The following MSLN variants were observed in gnomAD, a reference collection of about 807,000 sequenced individuals.
MSLN encodes CAK1 antigen.
A neutral mutation model predicts 72.6 loss-of-function variants in MSLN; 82 were observed. That is an observed-to-expected ratio of 1.13 (90% CI 0.94 to 1.36). The LOEUF (loss-of-function observed/expected upper bound fraction) is 1.36, where lower values mean the gene tolerates loss of function less well. Ranked by LOEUF, MSLN falls within the 40% of genes most tolerant of loss-of-function variation. MSLN has a pLI of 0.00. For synonymous variants in MSLN, 456 were observed against 387.3 expected (o/e 1.18, Z -2.08); for missense variants, 1,005 against 847.9 (o/e 1.19, Z -2.30).
rs751914503 is a variant in MSLN, at chr16:764,029, C to T, written c.186C>T (p.Ser62=). The T allele has an allele frequency of 1.1e-5, 17 of 1,601,082 alleles. No homozygotes were observed. The highest frequency in any genetic ancestry group is 1.4e-5 in the Non-Finnish European group (16 of 1,179,500). The part of the protein sequence containing the change: ...LANPPNISSL[S]PRQLLGFPCA... Reference sequence around the variant, plus strand: ...AGCCCGACCCTTCCTGCAGCCTCTCCCCTCGCCAACTCCTTGGCTTCCCGT... The same window carrying T: ...AGCCCGACCCTTCCTGCAGCCTCTCTCCTCGCCAACTCCTTGGCTTCCCGT... Residue 62 remains serine, a synonymous_variant, in exon 6 of 18, where the codon TCC becomes TCT. Transcript: ENST00000545450.
At chr16:764,184 G>T (rs755523951) in intron 6 of MSLN, 41 bp downstream of exon 6, 41 of 1,585,096 alleles carry the variant, frequency 2.6e-5, no homozygotes, top group Non-Finnish European at 3.3e-5. Flanking sequence ...CACAGCTGGG[G>T]CTGAGGAATT....
Position 766,740 on chromosome 16 carries a change from G to A in MSLN, c.1303G>A (p.Ala435Thr), listed in dbSNP as rs749126758. 5.6e-6 allele frequency: 9 copies of A among 1,612,602 alleles called. No homozygotes were observed. In the Admixed American group the frequency reaches 6.7e-5, roughly 12 times the overall value. Residue 435 changes from alanine to threonine, a missense_variant, in exon 14 of 18, where the codon GCC (alanine) becomes ACC (threonine). Physicochemically the swap from Ala to Thr is moderately conservative, Grantham distance 58 (BLOSUM62 0). Coordinates refer to ENST00000545450, the MANE Select transcript of MSLN (RefSeq NM_005823.6). ...CAAAGACACCCTAGACACCCTGACC[G>A]CCTTCTACCCTGGGTACCTGTGCTC... ...LDKDTLDTLT[A>T]FYPGYLCSLS...
At chr16:765,403 C>T (rs2041593247) in intron 9 of MSLN, 100 bp downstream of exon 9, 4 of 1,414,280 alleles carry the variant, frequency 2.8e-6, no homozygotes, top group South Asian at 1.4e-5. Context: ...GGGTCAGTCA[C>T]CCCCGCCACC....
chr16:768,659 G>GGGACGCCCTGCCTCCTA lies in MSLN; in HGVS notation c.1800_1816dup (p.Pro606ArgfsTer5). 6.2e-7 allele frequency: 1 copy of GGGACGCCCTGCCTCCTA among 1,611,078 alleles called. No homozygotes were observed. The highest frequency in any genetic ancestry group is 8.5e-7 in the Non-Finnish European group (1 of 1,179,554). On this transcript the variant is annotated frameshift_variant, in exon 18 of 18. Coordinates refer to ENST00000545450, the MANE Select transcript of MSLN (RefSeq NM_005823.6). LOFTEE classifies it low-confidence loss of function (END_TRUNC). ...CCCTCTCTCTGTAGAGGCCCTCTCG[G>GGGACGCCCTGCCTCCTA]GGACGCCCTGCCTCCTAGGACCTGG... is the stretch of plus-strand genomic sequence containing the variant.
In MSLN at chr16:766,506, G is replaced by C. The variant is rs73491258; in HGVS notation, c.1230+16G>C. ...GAGTCCTCAGGTGACCGTCCGGCTC[G>C]GGGGTCATGTGGCATGAGATTGGGA... On this transcript the variant is annotated intron_variant, in intron 13 of 17. Coordinates refer to ENST00000545450, the MANE Select transcript of MSLN (RefSeq NM_005823.6). 2 of 1,612,236 alleles carry C rather than the reference G, an allele frequency of 1.2e-6. No homozygotes were observed. Among genetic ancestry groups the C allele is most frequent in the Admixed American group, 1.7e-5 (1 of 59,978 alleles).
At chr16:767,955 CGCGTG>C (rs2041655659) in intron 16 of MSLN, among the ~76,000 whole-genome samples, 1 of 19,192 alleles carries the variant, frequency 5.2e-5, no homozygotes, top group African/African-American at 9.5e-4. Flanking sequence ...GGAGGAGGGG[CGCGTG>C]GAGGGGGCCG....
chr16:768,146 G>A (rs945686167), intron 16 of MSLN, among the ~76,000 whole-genome samples: 6 of 150,494 alleles, frequency 4.0e-5, no homozygotes, highest in Non-Finnish European at 7.4e-5. Context: ...GGGCGTGTAA[G>A]GCGGGTCTGC....
intron 2 of MSLN, among the ~76,000 whole-genome samples, chr16:761,934 T>G (rs1187481127): frequency 6.6e-6 from 1 of 152,194 alleles, no homozygotes; most frequent in Non-Finnish European, 1.5e-5. Flanking sequence ...TAGAAGCCAG[T>G]TCCCTCTTCT....
chr16:761,894 C>T (rs1358044147), intron 2 of MSLN, among the ~76,000 whole-genome samples: 1 of 152,256 alleles, frequency 6.6e-6, no homozygotes, highest in African/African-American at 2.4e-5. Flanking sequence ...TTCTACTCCG[C>T]CATGGTGGCC....
At chr16:765,669 C>T (rs752138748) in intron 10 of MSLN, 22 bp from the exon 11 acceptor site, 14 of 1,600,002 alleles carry the variant, frequency 8.7e-6, no homozygotes, top group Middle Eastern at 1.6e-4. Context: ...CGAGGCTCAG[C>T]CCAGGTCCTG....
chr16:765,763 C>T lies in MSLN; in HGVS notation c.868C>T (p.Arg290Trp), dbSNP rs749200543. The T allele has an allele frequency of 1.6e-5, 26 of 1,600,184 alleles. No individual in the cohort carries two copies. The highest frequency in any genetic ancestry group is 1.3e-4 in the Admixed American group (8 of 59,980). The stretch of plus-strand genomic sequence containing the variant: ...GCGGCAGCCTGAACGGACCATCCTC[C>T]GGCCGCGGTTCCGGCGGGAAGTGGA... Reference protein sequence around the residue: ...SWRQPERTILRPRFRREVEKT... With the variant: ...SWRQPERTILWPRFRREVEKT... The change falls in exon 11 of 18, where the codon CGG becomes TGG. Residue 290 changes from arginine to tryptophan, a missense_variant. Physicochemically the swap from Arg to Trp is moderately radical, Grantham distance 101 (BLOSUM62 -3). Coordinates refer to ENST00000545450, the MANE Select transcript of MSLN (RefSeq NM_005823.6).
chr16:768,477 G>A lies in MSLN; in HGVS notation c.1695G>A (p.Arg565=). 8 of 1,571,302 alleles carry A rather than the reference G, an allele frequency of 5.1e-6. No individual in the cohort carries two copies. The highest frequency in any genetic ancestry group is 6.9e-6 in the Non-Finnish European group (8 of 1,155,932). Residue 565 remains arginine (R), a synonymous_variant, in exon 17 of 18, where the codon CGG becomes CGA. Transcript: ENST00000545450. ...GCCCGGTGCGGGACTGGATCCTACG[G>A]CAGCGGCAGGACGACCTGGACACGC... ...RHRPVRDWIL[R]QRQDDLDTLG...
intron 16 of MSLN, among the ~76,000 whole-genome samples, 196 bp from the exon 17 acceptor site, chr16:768,183 G>A (rs2041665355): frequency 6.6e-6 from 1 of 151,504 alleles, no homozygotes; most frequent in Non-Finnish European, 1.5e-5. Context: ...AGGAAGGGCA[G>A]CATCTTCCCG....
At chr16:765,448 C>A in intron 9 of MSLN, 79 bp from the exon 10 acceptor site, 1 of 1,451,594 alleles carries the variant, frequency 6.9e-7, no homozygotes. Context: ...CCCTCCACAG[C>A]CAGGGGGTAC....
chr16:768,242 C>G (rs538935016), intron 16 of MSLN, 137 bp from the exon 17 acceptor site: 1 of 835,108 alleles, frequency 1.2e-6, no homozygotes, highest in Non-Finnish European at 1.8e-6. Flanking sequence ...GTCAGCTGGC[C>G]GGAGACCTCC....
Position 768,709 on chromosome 16 carries a change from G to A in MSLN, c.1845G>A (p.Leu615=), listed in dbSNP as rs1003444545. ...GACCTGTTCTCACCGTCCTGGCACT[G>A]CTCCTAGCCTCCACCCTGGCCTGAG... ...GPGPVLTVLA[L]LLASTLA is the part of the protein sequence containing the mutation. Residue 615 remains leucine, a synonymous_variant, in exon 18 of 18, where the codon CTG becomes CTA. Coordinates refer to ENST00000545450, the MANE Select transcript of MSLN (RefSeq NM_005823.6). 1.2e-6 allele frequency: 2 copies of A among 1,610,886 alleles called. No individual in the cohort carries two copies. The highest frequency in any genetic ancestry group is 8.5e-7 in the Non-Finnish European group (1 of 1,179,528).
intron 17 of MSLN, 35 bp from the exon 18 acceptor site, chr16:768,613 G>A: frequency 6.2e-7 from 1 of 1,611,306 alleles, no homozygotes; most frequent in Non-Finnish European, 8.5e-7. Context: ...TGGGGGCGTG[G>A]AGGTGGGCGC....
At position 768,451 on chromosome 16, in the gene MSLN, CGCCCGGTG is replaced by C. The variant is rs1567361323; in HGVS notation, c.1670_1677del (p.Arg557ProfsTer?). 2.0e-6 allele frequency: 3 copies of C among 1,536,574 alleles called. No individual in the cohort carries two copies. In the African/African-American group the frequency reaches 4.1e-5, roughly 21 times the overall value. On this transcript the variant is annotated frameshift_variant, in exon 17 of 18. Transcript: ENST00000545450. LOFTEE classifies it high-confidence loss of function. Reference sequence around the variant, plus strand: ...GGGCCTGAAGGCGGAGGAGCGGCACCGCCCGGTGCGGGACTGGATCCTACGGCAGCGGC... The same window carrying C: ...GGGCCTGAAGGCGGAGGAGCGGCACCCGGGACTGGATCCTACGGCAGCGGC...
At chr16:766,263 G>C in intron 12 of MSLN, 26 bp downstream of exon 12, 1 of 1,608,398 alleles carries the variant, frequency 6.2e-7, no homozygotes. Context: ...AGTTCCCACC[G>C]GCCTGCTGTG....
Sources: gnomAD v4.1 joint callset for allele counts (sites outside exome capture counted in the v4.1 genomes callset) on GRCh38, gnomAD v4.1.1 for gene constraint, MANE v1.5 for transcripts, NCBI Gene and HGNC (gene_info 2026-07-23, HGNC 2026-07-21) for gene names.